ARHGAP24: variants seen among roughly 807,000 people sequenced by gnomAD.
ARHGAP24 encodes Rho GTPase activating protein 24.
ARHGAP24 carries 50 observed loss-of-function variants against 76.4 expected under a neutral mutation model. The observed-to-expected ratio is 0.65, with a 90% CI of 0.52 to 0.83. ARHGAP24 has a LOEUF of 0.83. ARHGAP24 is among the 40% of genes least tolerant of loss of function. The pLI is 0.00. For missense variants in ARHGAP24, 930 were observed against 914.2 expected (o/e 1.02, Z -0.22); for synonymous variants, 345 against 323.3 (o/e 1.07, Z -0.72).
intron 3 of ARHGAP24, chr4:85,722,282 G>C (rs1291746803): frequency 3.2e-6 from 1 of 307,924 alleles, no homozygotes; most frequent in Non-Finnish European, 6.2e-6. Flanking sequence ...GCGCTCTTGT[G>C]ATGTGAAATT....
At chr4:85,814,647 A>G (rs1729159596) in intron 3 of ARHGAP24, among the ~76,000 whole-genome samples, 1 of 152,184 alleles carries the variant, frequency 6.6e-6, no homozygotes, top group Non-Finnish European at 1.5e-5. Context: ...TTTTCAGGGT[A>G]CAGCCTCCTT....
chr4:85,672,909 G>A (rs1722857263), intron 2 of ARHGAP24, among the ~76,000 whole-genome samples: 1 of 152,150 alleles, frequency 6.6e-6, no homozygotes, highest in African/African-American at 2.4e-5. Context: ...CCATAGTGGT[G>A]TAATAGCACC....
At chr4:85,718,440 G>A (rs140003471) in intron 2 of ARHGAP24, among the ~76,000 whole-genome samples, 392 of 152,088 alleles carry the variant, frequency 2.6e-3, no homozygotes, top group African/African-American at 9.1e-3. Context: ...GTTAACATTG[G>A]TTATCTGTAG....
intron 5 of ARHGAP24, among the ~76,000 whole-genome samples, chr4:85,961,524 T>C (rs1357721490): frequency 1.4e-5 from 2 of 140,854 alleles, no homozygotes; most frequent in Non-Finnish European, 3.1e-5. Flanking sequence ...TAGAAAAGAA[T>C]ATATGTGTTT....
chr4:85,994,719 G>A lies in ARHGAP24; in HGVS notation c.1065G>A (p.Met355Ile), dbSNP rs141564681. The A allele has an allele frequency of 1.6e-4, 266 of 1,614,122 alleles. No individual in the cohort carries two copies. The Middle Eastern group carries it at 1.8e-3, about 11-fold the overall frequency. Residue 355 changes from methionine (M) to isoleucine (I), a missense_variant, in exon 9 of 10, where the codon ATG (methionine) becomes ATA (isoleucine). Coordinates refer to ENST00000395184, the MANE Select transcript of ARHGAP24 (RefSeq NM_001025616.3). ...NNNEIQKKAT[M>I]GQLQNKENNN... ...ATGAAATTCAGAAGAAAGCCACCAT[G>A]GGGCAGTTACAGAACAAGGAGAACA... is the stretch of plus-strand genomic sequence containing the variant.
chr4:85,584,032 G>T (rs1727736856), intron 2 of ARHGAP24, among the ~76,000 whole-genome samples: 1 of 149,114 alleles, frequency 6.7e-6, no homozygotes, highest in Non-Finnish European at 1.5e-5. Context: ...AAGTCAGTGT[G>T]GCGATTCCTC....
intron 5 of ARHGAP24, among the ~76,000 whole-genome samples, chr4:85,950,716 G>A (rs947335375): frequency 2.0e-5 from 3 of 149,068 alleles, no homozygotes; most frequent in Non-Finnish European, 4.4e-5. Context: ...CTGTCACCCA[G>A]GCCAGAGTGC....
At chr4:85,656,036 G>A (rs561527181) in intron 2 of ARHGAP24, among the ~76,000 whole-genome samples, 1 of 152,062 alleles carries the variant, frequency 6.6e-6, no homozygotes, top group East Asian at 1.9e-4. Context: ...AATTAAACTT[G>A]CAAATTTCAA....
intron 5 of ARHGAP24, among the ~76,000 whole-genome samples, chr4:85,964,028 T>G (rs979390980): frequency 1.3e-5 from 2 of 152,144 alleles, no homozygotes; most frequent in African/African-American, 4.8e-5. Context: ...TGGTATTGTG[T>G]TAGTGGAGGT....
rs1205882687 is a variant in ARHGAP24, at chr4:85,683,109, TGGGGGG to T, written c.181-38774_181-38769del. Among the ~76,000 whole-genome samples the T allele has an allele frequency of 3.3e-3, 57 of 17,472 alleles. 1 individual carries two copies. Among genetic ancestry groups the T allele is most frequent in the African/African-American group, 9.4e-3 (54 of 5,762 alleles). 11.5% of individuals were successfully genotyped at this position (17,472 alleles called of 152,430 possible). ...ATCAACTCTTAACTCTCTCAGTGTGTGGGGGGGTGGGGGGGGGGTGCGGGGGCTGTA... is the reference window on the plus strand; with the variant it reads ...ATCAACTCTTAACTCTCTCAGTGTGTGTGGGGGGGGGGTGCGGGGGCTGTA... On this transcript the variant is annotated intron_variant, in intron 2 of 9. Transcript: ENST00000395184.
chr4:85,930,872 C>T (rs1736290353), intron 4 of ARHGAP24: 2 of 1,610,100 alleles, frequency 1.2e-6, no homozygotes, highest in African/African-American at 1.3e-5. Context: ...TGTTGGGTTT[C>T]GCTCAGAGGC....
At chr4:85,623,627 G>C (rs1720807300) in intron 2 of ARHGAP24, among the ~76,000 whole-genome samples, 1 of 151,908 alleles carries the variant, frequency 6.6e-6, no homozygotes, top group South Asian at 2.1e-4. Context: ...ATTCTGTGAA[G>C]AAAGTCATTG....
At chr4:85,912,332 C>T (rs1293392209) in intron 3 of ARHGAP24, among the ~76,000 whole-genome samples, 2 of 152,082 alleles carry the variant, frequency 1.3e-5, no homozygotes, top group Non-Finnish European at 2.9e-5. Context: ...TCACATCCTG[C>T]TCTCCCACAC....
rs55683461 is a variant in ARHGAP24, at chr4:85,688,496, T to C, written c.181-33389T>C. On this transcript the variant is annotated intron_variant, in intron 2 of 9. Transcript: ENST00000395184. ...TTACTCCTTTGTCAGATGCATACTT[T>C]GTGACTATTTTCTCCCGTTCAGTAG... Among the ~76,000 whole-genome samples the C allele has an allele frequency of 9.7e-3, 1,483 of 152,308 alleles. 24 individuals are homozygous for C. The highest frequency in any genetic ancestry group is 0.033 in the African/African-American group (1,379 of 41,564).
Position 85,805,255 on chromosome 4 carries a change from C to A in ARHGAP24, c.268+83283C>A, listed in dbSNP as rs201199538. ...AATAATCTCACTGTTTCCCGCCTCC[C>A]AACACCACCCATTCCCCTTGCGTCC... On this transcript the variant is annotated intron_variant, in intron 3 of 9. Coordinates refer to ENST00000395184, the MANE Select transcript of ARHGAP24 (RefSeq NM_001025616.3). Among the ~76,000 whole-genome samples, 15 of 152,236 alleles carry A rather than the reference C, an allele frequency of 9.9e-5. No homozygotes were observed. In the East Asian group the frequency reaches 2.9e-3, roughly 29 times the overall value.
intron 3 of ARHGAP24, among the ~76,000 whole-genome samples, chr4:85,908,023 A>C (rs1734866738): frequency 6.6e-6 from 1 of 152,086 alleles, no homozygotes; most frequent in South Asian, 2.1e-4. Context: ...GTGGAAACCA[A>C]CTCAACTTGA....
chr4:85,962,607 T>C (rs970298205), intron 5 of ARHGAP24, among the ~76,000 whole-genome samples: 2 of 152,062 alleles, frequency 1.3e-5, no homozygotes. Flanking sequence ...ATAGGTCACC[T>C]GAATTGGCAA....
intron 9 of ARHGAP24, among the ~76,000 whole-genome samples, chr4:85,998,937 T>C (rs1740842096): frequency 6.6e-6 from 1 of 152,208 alleles, no homozygotes; most frequent in Non-Finnish European, 1.5e-5. Flanking sequence ...CTTCTACTTA[T>C]TGTTCTATAT....
chr4:85,999,143 C>T (rs958688415), intron 9 of ARHGAP24, among the ~76,000 whole-genome samples: 1 of 152,216 alleles, frequency 6.6e-6, no homozygotes, highest in East Asian at 1.9e-4. Context: ...ACAAATGTGT[C>T]AATATATTGT....
Sources: gnomAD v4.1 joint callset for allele counts (sites outside exome capture counted in the v4.1 genomes callset) on GRCh38, gnomAD v4.1.1 for gene constraint, MANE v1.5 for transcripts, NCBI Gene and HGNC (gene_info 2026-07-23, HGNC 2026-07-21) for gene names.